Variants in PARD3B observed in about 807,000 individuals in gnomAD.
The protein encoded by PARD3B is partitioning defective 3 homolog B.
Under a neutral mutation model 130.2 loss-of-function variants are expected in PARD3B, and 103 were observed. That is an observed-to-expected ratio of 0.79 (90% CI 0.67 to 0.93). PARD3B has a LOEUF of 0.93. Among genes scored for constraint, PARD3B ranks in the 40% least tolerant of loss-of-function variants. PARD3B has a pLI of 0.00. For synonymous variants in PARD3B, 583 were observed against 553.2 expected (o/e 1.05, Z -0.76); for missense variants, 1,609 against 1,499.2 (o/e 1.07, Z -1.21).
chr2:205,102,824 G>C (rs574853032), intron 4 of PARD3B, among the ~76,000 whole-genome samples: 7 of 152,128 alleles, frequency 4.6e-5, no homozygotes, highest in Admixed American at 3.9e-4. Flanking sequence ...CCAGCACTTG[G>C]GAGGCCAAGA....
rs1405226659 is a variant in PARD3B, at chr2:205,268,404, T to C, written c.2185+22582T>C. 1.3e-5 allele frequency among the ~76,000 whole-genome samples: 2 copies of C among 152,164 alleles called. No homozygotes were observed. The highest frequency in any genetic ancestry group is 2.9e-5 in the Non-Finnish European group (2 of 68,014). ...TTTTCTTAACACTGAACAAAAGAATTGTTAGAGGTTTGAGGTAAAAGATCG... is the reference window on the plus strand; with the variant it reads ...TTTTCTTAACACTGAACAAAAGAATCGTTAGAGGTTTGAGGTAAAAGATCG... On this transcript the variant is annotated intron_variant, in intron 16 of 22. Coordinates refer to ENST00000406610, the MANE Select transcript of PARD3B (RefSeq NM_001302769.2). The surrounding 1 kb of genome is among the most constrained non-coding windows in gnomAD (Gnocchi z 4.1).
intron 4 of PARD3B, among the ~76,000 whole-genome samples, chr2:205,056,902 TAC>T (rs749596109): frequency 4.9e-5 from 7 of 142,086 alleles, no homozygotes; most frequent in Non-Finnish European, 1.1e-4. Flanking sequence ...CACACACACA[TAC>T]ACACACACAC....
chr2:204,945,439 A>T (rs992262086), intron 2 of PARD3B, among the ~76,000 whole-genome samples: 1 of 152,188 alleles, frequency 6.6e-6, no homozygotes, highest in African/African-American at 2.4e-5. Context: ...AAGCTCCTCA[A>T]AGGGAAAGCT....
chr2:205,018,539 G>A (rs1025052167), intron 3 of PARD3B, among the ~76,000 whole-genome samples: 1 of 151,794 alleles, frequency 6.6e-6, no homozygotes, highest in Non-Finnish European at 1.5e-5. Context: ...GCTTTTCCAA[G>A]GATTCCAGAA....
At chr2:204,805,427 A>G (rs900737141) in intron 2 of PARD3B, among the ~76,000 whole-genome samples, 1 of 152,062 alleles carries the variant, frequency 6.6e-6, no homozygotes, top group Non-Finnish European at 1.5e-5. Flanking sequence ...ATAAAACAAA[A>G]TCTCTTAGCA....
In PARD3B at chr2:205,251,144, C is replaced by T. The variant is rs139347013; in HGVS notation, c.2185+5322C>T. Among the ~76,000 whole-genome samples, 631 of 152,226 alleles carry T rather than the reference C, an allele frequency of 4.1e-3. 3 individuals carry two copies. The highest frequency in any genetic ancestry group is 0.014 in the African/African-American group (592 of 41,524). On this transcript the variant is annotated intron_variant, in intron 16 of 22. Transcript: ENST00000406610. Reference sequence around the variant, plus strand: ...TTTACTTGCGTTGTGTAACCTCAGCCAGCTGAACTAGGAACACAATAGCTT... The same window carrying T: ...TTTACTTGCGTTGTGTAACCTCAGCTAGCTGAACTAGGAACACAATAGCTT...
At position 205,567,481 on chromosome 2, in the gene PARD3B, A is replaced by ATTTTTTTTTT. The variant is rs61638177; in HGVS notation, c.3260+14083_3260+14092dup. On this transcript the variant is annotated intron_variant, in intron 22 of 22. Coordinates refer to ENST00000406610, the MANE Select transcript of PARD3B (RefSeq NM_001302769.2). ...AGGTGCCTGCCACCATGCCCGGTTA[A>ATTTTTTTTTT]TTTTTTTTTTTTTTGTATTTTTAGT... Among the ~76,000 whole-genome samples, 17 of 113,482 alleles carry ATTTTTTTTTT rather than the reference A, an allele frequency of 1.5e-4. 2 individuals are homozygous for ATTTTTTTTTT. Among genetic ancestry groups the ATTTTTTTTTT allele is most frequent in the East Asian group, 1.3e-3 (5 of 3,800 alleles). 74.4% of individuals were successfully genotyped at this position (113,482 alleles called of 152,430 possible).
At chr2:204,985,899 G>C (rs753890244) in intron 3 of PARD3B, among the ~76,000 whole-genome samples, 1 of 151,964 alleles carries the variant, frequency 6.6e-6, no homozygotes, top group Non-Finnish European at 1.5e-5. Context: ...TCAGGAGCTC[G>C]AGACCAGCCT....
At chr2:205,113,762 A>G (rs780969821) in intron 6 of PARD3B, among the ~76,000 whole-genome samples, 185 bp downstream of exon 6, 2 of 152,162 alleles carry the variant, frequency 1.3e-5, no homozygotes, top group Non-Finnish European at 2.9e-5. Flanking sequence ...TTTAGGATGT[A>G]ATGGGGAAAG....
At chr2:204,708,777 G>C (rs1430324043) in intron 2 of PARD3B, among the ~76,000 whole-genome samples, 14 of 151,940 alleles carry the variant, frequency 9.2e-5, no homozygotes, top group African/African-American at 3.4e-4. Context: ...TATTGTTTAA[G>C]GCCAGAAACC....
chr2:204,555,650 G>C (rs1243485640), intron 1 of PARD3B, among the ~76,000 whole-genome samples: 2 of 152,136 alleles, frequency 1.3e-5, no homozygotes, highest in Non-Finnish European at 2.9e-5. Context: ...GAGGACTCCA[G>C]CACCCTATAT....
chr2:205,360,255 T>C (rs2044340097), intron 18 of PARD3B, among the ~76,000 whole-genome samples: 1 of 103,192 alleles, frequency 9.7e-6, no homozygotes, highest in Non-Finnish European at 2.4e-5. Flanking sequence ...GATTTCTTGT[T>C]TTTTCTTTTG....
chr2:204,779,302 G>T (rs995698759), intron 2 of PARD3B, among the ~76,000 whole-genome samples: 1 of 151,994 alleles, frequency 6.6e-6, no homozygotes, highest in African/African-American at 2.4e-5. Context: ...AAATTGCCAA[G>T]TCCTCAGTGC....
At chr2:204,896,424 C>T (rs2046642455) in intron 2 of PARD3B, among the ~76,000 whole-genome samples, 1 of 152,194 alleles carries the variant, frequency 6.6e-6, no homozygotes, top group Admixed American at 6.5e-5. Flanking sequence ...CTGGGCTTGA[C>T]TGGCTGAGCT....
chr2:205,193,967 G>A (rs2125807991), intron 15 of PARD3B, among the ~76,000 whole-genome samples: 1 of 152,232 alleles, frequency 6.6e-6, no homozygotes, highest in African/African-American at 2.4e-5. Context: ...TGGGTGCCAG[G>A]GCAGAGCAAG....
At chr2:205,519,005 G>T (rs537774132) in intron 21 of PARD3B, among the ~76,000 whole-genome samples, 1 of 152,156 alleles carries the variant, frequency 6.6e-6, no homozygotes, top group East Asian at 1.9e-4. Flanking sequence ...TTTCTCTCTA[G>T]CTGCTTTTAA....
chr2:205,236,135 TC>T (rs1336583857), intron 15 of PARD3B, among the ~76,000 whole-genome samples: 4 of 152,344 alleles, frequency 2.6e-5, no homozygotes, highest in African/African-American at 4.8e-5. Flanking sequence ...ATGATCATAT[TC>T]ATGCAAGAAG....
At position 205,420,867 on chromosome 2, in the gene PARD3B, G is replaced by A. The variant is rs1300517907; in HGVS notation, c.2742-19503G>A. 2.0e-5 allele frequency among the ~76,000 whole-genome samples: 3 copies of A among 152,120 alleles called. No individual in the cohort carries two copies. In the East Asian group the frequency reaches 5.8e-4, roughly 29 times the overall value. On this transcript the variant is annotated intron_variant, in intron 19 of 22. Transcript: ENST00000406610. ...CTTATGAAAAATGCAAAAGAGGCTG[G>A]GTGCTGTGGCTCACGCTGTAATCCC...
At chr2:204,552,391 G>A (rs1043996536) in intron 1 of PARD3B, among the ~76,000 whole-genome samples, 2 of 152,176 alleles carry the variant, frequency 1.3e-5, no homozygotes, top group Admixed American at 1.3e-4. Context: ...CTCTGTCTCT[G>A]GTACTGGGTG....
Sources: allele counts gnomAD v4.1 joint callset (sites outside exome capture counted in the v4.1 genomes callset), GRCh38; gene constraint gnomAD v4.1.1; non-coding constraint Gnocchi (gnomAD v3.1); transcripts MANE v1.5; gene names NCBI Gene and HGNC (gene_info 2026-07-23, HGNC 2026-07-21).